Variants in COL6A3 observed in about 807,000 individuals in gnomAD.
COL6A3 encodes collagen alpha-3(VI) chain.
Under a neutral mutation model 274.1 loss-of-function variants are expected in COL6A3, and 137 were observed. The ratio of observed to expected loss-of-function variants is 0.50; its 90% CI spans 0.44 to 0.58. COL6A3 has a LOEUF of 0.58. COL6A3 is among the 20% of genes least tolerant of loss of function. The probability of loss-of-function intolerance (pLI) is 0.00; values close to 1 mark genes in which losing one functional copy is unlikely to be tolerated. For synonymous variants in COL6A3, 1,650 were observed against 1,650.6 expected (o/e 1.00, Z 0.01); for missense variants, 3,950 against 4,124.9 (o/e 0.96, Z 1.16).
At chr2:237,329,915 T>A (rs936055099) in intron 42 of COL6A3, 1 of 152,234 alleles carries the variant, frequency 6.6e-6, no homozygotes, top group African/African-American at 2.4e-5. Flanking sequence ...TTCAGGGCTA[T>A]ACAATTGGCC....
At chr2:237,380,093 T>G (rs1305142407) in intron 5 of COL6A3, among the ~76,000 whole-genome samples, 2 of 152,044 alleles carry the variant, frequency 1.3e-5, no homozygotes, top group African/African-American at 4.8e-5. Flanking sequence ...GCTATGAAAG[T>G]GTGGATTAAA....
At chr2:237,333,627 G>A in intron 41 of COL6A3, 79 bp from the exon 42 acceptor site, 1 of 1,224,222 alleles carries the variant, frequency 8.2e-7, no homozygotes, top group Non-Finnish European at 1.2e-6. Flanking sequence ...CTGATATAAG[G>A]TTGCCTGCTG....
chr2:237,413,691 C>T lies in COL6A3; in HGVS notation c.-31+262G>A, dbSNP rs1353345416. Among the ~76,000 whole-genome samples, 4 of 152,180 alleles carry T rather than the reference C, an allele frequency of 2.6e-5. No individual in the cohort carries two copies. Among genetic ancestry groups the T allele is most frequent in the Admixed American group, 6.5e-5 (1 of 15,286 alleles). ...ACTGCCGCCCGGAATGCACAGGGCG[C>T]GTGTAGCAGCCACAGACACGCGGTG... On this transcript the variant is annotated intron_variant, in intron 1 of 43. Coordinates refer to ENST00000295550, the MANE Select transcript of COL6A3 (RefSeq NM_004369.4). This position sits in a 1 kb window ranked among gnomAD's most constrained non-coding sequence, Gnocchi z 4.0.
chr2:237,338,743 G>T, intron 39 of COL6A3, among the ~76,000 whole-genome samples: 1 of 152,164 alleles, frequency 6.6e-6, no homozygotes, highest in East Asian at 1.9e-4. Context: ...AGTCCAGCCT[G>T]GGCAACACAG....
chr2:237,376,787 C>T lies in COL6A3; in HGVS notation c.3055G>A (p.Gly1019Arg), dbSNP rs370664069. The change falls in exon 7 of 44, where the codon GGA becomes AGA. Residue 1019 changes from glycine to arginine, a missense_variant. This residue lies in a region of COL6A3 where 1,934 missense variants were observed against 1,984.3 expected (regional missense o/e 0.97). Coordinates refer to ENST00000295550, the MANE Select transcript of COL6A3 (RefSeq NM_004369.4). ...IVNLLKSVHN[G>R]APAPVSGEKD... is the part of the protein sequence containing the mutation. The stretch of plus-strand genomic sequence containing the variant: ...TCTACCATACCTGGTGCTGGTGCTC[C>T]GTTGTGCACTGATTTTAAGAGATTC... 50 of 1,613,860 alleles carry T rather than the reference C, an allele frequency of 3.1e-5. No homozygotes were observed. In the Admixed American group the frequency reaches 3.8e-4, roughly 12 times the overall value.
chr2:237,354,180 T>G (rs1343922293), intron 24 of COL6A3, among the ~76,000 whole-genome samples: 1 of 152,006 alleles, frequency 6.6e-6, no homozygotes, highest in East Asian at 1.9e-4. Flanking sequence ...CCACCACGCC[T>G]GGCTATTTTG....
At chr2:237,351,251 C>G in intron 26 of COL6A3, 59 bp from the exon 27 acceptor site, 1 of 1,529,732 alleles carries the variant, frequency 6.5e-7, no homozygotes, top group African/African-American at 1.4e-5. Flanking sequence ...GCAAATTGGT[C>G]TCTGAAACCT....
intron 2 of COL6A3, among the ~76,000 whole-genome samples, chr2:237,396,230 T>C (rs1187203299): frequency 1.3e-5 from 2 of 152,222 alleles, no homozygotes; most frequent in Admixed American, 1.3e-4. Flanking sequence ...ACCCATGCTT[T>C]TAATTCGTTT....
rs941002414 is a variant in COL6A3 at position 237,339,523 on chromosome 2, G to A, written c.8465-406C>T. 2.0e-5 allele frequency among the ~76,000 whole-genome samples: 3 copies of A among 152,204 alleles called. No homozygotes were observed. In the East Asian group the frequency reaches 5.8e-4, roughly 29 times the overall value. ...TTTTGTTTTTAATCTTTGGAAGACA[G>A]GAACAGTGACCTGTGGGTGAACCTG... On this transcript the variant is annotated intron_variant, in intron 38 of 43. Transcript: ENST00000295550.
At position 237,325,702 on chromosome 2, in the gene COL6A3, G is replaced by A. The variant is rs148821986; in HGVS notation, c.9351C>T (p.Asp3117=). ...TETDICKLPK[D]EGTCRDFILK... ...ATATGAAATCCCTGCAAGTTCCTTC[G>A]TCTTTCGGCAACTTGCATATATCTT... The change falls in exon 43 of 44, where the codon GAC becomes GAT. Residue 3117 remains aspartate, a synonymous_variant. Coordinates refer to ENST00000295550, the MANE Select transcript of COL6A3 (RefSeq NM_004369.4). 548 of 1,613,690 alleles carry A rather than the reference G, an allele frequency of 3.4e-4. No homozygotes were observed. Among genetic ancestry groups the A allele is most frequent in the African/African-American group, 4.3e-4 (32 of 74,852 alleles).
chr2:237,374,535 C>T lies in COL6A3; in HGVS notation c.3556G>A (p.Val1186Met), dbSNP rs144976132. Residue 1186 changes from valine to methionine, a missense_variant, in exon 8 of 44, where the codon GTG becomes ATG. Val to Met is a conservative substitution (Grantham distance 21, BLOSUM62 1). Around this residue, in one of 5 missense-constraint regions of COL6A3, gnomAD observed 1,934 missense variants for 1,984.3 expected, o/e 0.97. Transcript: ENST00000295550. The surrounding 1 kb of genome is among the most constrained non-coding windows in gnomAD (Gnocchi z 4.8). ...AGCTGGCGAAAGGTGGGAATGGCCA[C>T]GGCAAAGTCCGGGATGAAGGAGATG... Reference protein sequence around the residue: ...QTISFIPDFAVAIPTFRQLGT... With the variant: ...QTISFIPDFAMAIPTFRQLGT... The T allele has an allele frequency of 4.6e-5, 75 of 1,614,072 alleles. No homozygotes were observed. In the African/African-American group the frequency reaches 6.3e-4, roughly 13 times the overall value.
At position 237,366,086 on chromosome 2, in the gene COL6A3, G is replaced by A. The variant is rs188008552; in HGVS notation, c.5501-51C>T. 1.5e-4 allele frequency: 231 copies of A among 1,524,842 alleles called. 2 individuals carry two copies. In the African/African-American group the frequency reaches 2.3e-3, roughly 15 times the overall value. The allele number at this position is 1,524,842 out of a possible 1,614,324, so 94.5% of individuals were successfully genotyped here. A position where few individuals can be genotyped will look rare whatever the true frequency, so the allele number is the denominator to read the frequency against. ...AGTTCTCAGCTGGGGCTGAGGAGAC[G>A]AACTCTACTTATACCAGCAGTAGGG... is the stretch of plus-strand genomic sequence containing the variant. On this transcript the variant is annotated intron_variant, in intron 11 of 43. Transcript: ENST00000295550.
chr2:237,341,869 G>A (rs143599042), intron 37 of COL6A3, among the ~76,000 whole-genome samples, 196 bp downstream of exon 37: 1 of 152,286 alleles, frequency 6.6e-6, no homozygotes, highest in East Asian at 1.9e-4. Flanking sequence ...CGCCATCAAA[G>A]AGAAGCTCTG....
intron 4 of COL6A3, among the ~76,000 whole-genome samples, chr2:237,381,818 C>T (rs1406204471): frequency 1.3e-5 from 2 of 152,132 alleles, no homozygotes; most frequent in Non-Finnish European, 2.9e-5. Flanking sequence ...TCTCTTCTGC[C>T]GTAAATACAC....
chr2:237,396,519 T>TTGCC (rs2078444619), intron 2 of COL6A3, among the ~76,000 whole-genome samples: 2 of 152,146 alleles, frequency 1.3e-5, no homozygotes, highest in African/African-American at 4.8e-5. Flanking sequence ...AAACCCAAGT[T>TTGCC]TTAATAAAAA....
At chr2:237,351,232 A>G in intron 26 of COL6A3, 40 bp from the exon 27 acceptor site, 2 of 1,600,802 alleles carry the variant, frequency 1.2e-6, no homozygotes, top group Non-Finnish European at 1.7e-6. Context: ...GAAGTGGCCA[A>G]CCGTCCAGGC....
chr2:237,399,523 G>A lies in COL6A3; in HGVS notation c.-30-2676C>T, dbSNP rs187513667. On this transcript the variant is annotated intron_variant, in intron 1 of 43. Transcript: ENST00000295550. ...ATTTCATGGAACACCCATTCCATTC[G>A]ATGTTCTAAGGGGAAAAACAGGCAT... Among the ~76,000 whole-genome samples the A allele has an allele frequency of 2.4e-3, 359 of 152,274 alleles. 2 individuals carry two copies. Among genetic ancestry groups the A allele is most frequent in the African/African-American group, 6.4e-3 (264 of 41,550 alleles).
At chr2:237,379,421 G>T (rs1413796908) in intron 5 of COL6A3, among the ~76,000 whole-genome samples, 186 bp from the exon 6 acceptor site, 2 of 152,180 alleles carry the variant, frequency 1.3e-5, no homozygotes, top group Non-Finnish European at 2.9e-5. Context: ...GCTGGTGTTT[G>T]TGAGACATAT....
At position 237,364,665 on chromosome 2, in the gene COL6A3, A is replaced by T. The variant is rs1192198182; in HGVS notation, c.5839-237T>A. 1.3e-5 allele frequency among the ~76,000 whole-genome samples: 2 copies of T among 152,200 alleles called. No individual in the cohort carries two copies. Among genetic ancestry groups the T allele is most frequent in the Non-Finnish European group, 2.9e-5 (2 of 68,038 alleles). On this transcript the variant is annotated intron_variant, in intron 12 of 43. Transcript: ENST00000295550. This position sits in a 1 kb window ranked among gnomAD's most constrained non-coding sequence, Gnocchi z 4.6. The stretch of plus-strand genomic sequence containing the variant: ...AAAAGACAAGCAGCAATGACAATAA[A>T]AACAATTTTTATCTCATTCTCATAT...
Sources: allele counts gnomAD v4.1 joint callset (sites outside exome capture counted in the v4.1 genomes callset), GRCh38; gene constraint gnomAD v4.1.1; regional missense constraint gnomAD v4.1.1; non-coding constraint Gnocchi (gnomAD v3.1); transcripts MANE v1.5; gene names NCBI Gene and HGNC (gene_info 2026-07-23, HGNC 2026-07-21).